RACGAP1: variants seen among roughly 807,000 people sequenced by gnomAD.
The protein encoded by RACGAP1 is Rac GTPase activating protein 1.
A neutral mutation model predicts 78.1 loss-of-function variants in RACGAP1; 30 were observed. The observed-to-expected ratio is 0.38, with a 90% CI of 0.29 to 0.52. RACGAP1 has a LOEUF of 0.52. Among genes scored for constraint, RACGAP1 ranks in the 20% least tolerant of loss-of-function variants. The probability of loss-of-function intolerance (pLI) is 0.82; values close to 1 mark genes in which losing one functional copy is unlikely to be tolerated. For missense variants in RACGAP1, 587 were observed against 777.1 expected (o/e 0.76, Z 2.91); for synonymous variants, 231 against 264.8 (o/e 0.87, Z 1.24).
intron 1 of RACGAP1, among the ~76,000 whole-genome samples, chr12:50,019,015 T>A (rs1036088161): frequency 2.6e-5 from 4 of 152,168 alleles, no homozygotes; most frequent in African/African-American, 9.7e-5. Context: ...CGCTACTCAC[T>A]GACCTACCCT....
chr12:49,995,399 A>C (rs1182038368), intron 10 of RACGAP1, among the ~76,000 whole-genome samples: 1 of 152,192 alleles, frequency 6.6e-6, no homozygotes, highest in Non-Finnish European at 1.5e-5. Context: ...AGGCATGGAT[A>C]AGAACTTGTA....
At chr12:50,023,449 A>G (rs1481048697) in intron 1 of RACGAP1, among the ~76,000 whole-genome samples, 3 of 152,234 alleles carry the variant, frequency 2.0e-5, no homozygotes, top group Non-Finnish European at 2.9e-5. Context: ...ATGAAAGTAA[A>G]CAGGCCAGGC....
At chr12:50,011,636 T>C (rs1949338000) in intron 2 of RACGAP1, among the ~76,000 whole-genome samples, 1 of 151,682 alleles carries the variant, frequency 6.6e-6, no homozygotes, top group African/African-American at 2.4e-5. Context: ...AAATTCAAAA[T>C]AAAATAATCA....
chr12:50,016,687 T>C lies in RACGAP1; in HGVS notation c.29A>G (p.Asn10Ser), dbSNP rs146666633. The change falls in exon 2 of 17, where the codon AAT becomes AGT. Residue 10 changes from asparagine to serine, a missense_variant. Coordinates refer to ENST00000312377, the MANE Select transcript of RACGAP1 (RefSeq NM_001319999.2). MDTMMLNVR[N>S]LFEQLVRRVE... ...CCGGCGCACAAGCTGCTCAAACAGATTCCGCACATTCAGCATCATAGTATC... is the reference window on the plus strand; with the variant it reads ...CCGGCGCACAAGCTGCTCAAACAGACTCCGCACATTCAGCATCATAGTATC... 35 of 1,613,904 alleles carry C rather than the reference T, an allele frequency of 2.2e-5. No homozygotes were observed. The highest frequency in any genetic ancestry group is 5.0e-5 in the Admixed American group (3 of 59,998).
chr12:49,997,827 G>A (rs568337738), intron 9 of RACGAP1, among the ~76,000 whole-genome samples: 14 of 146,014 alleles, frequency 9.6e-5, no homozygotes, highest in Non-Finnish European at 2.0e-4. Context: ...ATCTGCCTGC[G>A]TCAGTCTCCC....
Position 49,996,628 on chromosome 12 carries a change from TAAAAAAAAAAAAAAAAAAAAAAAAAA to T in RACGAP1, c.1044+386_1044+411del, listed in dbSNP as rs57512055. On this transcript the variant is annotated intron_variant, in intron 10 of 16. Transcript: ENST00000312377. ...TGCACTCCAGCCTAGGCAATAGAGC[TAAAAAAAAAAAAAAAAAAAAAAAAAA>T]AAAAAAAAAAAAAATGGACACAAGT... 2.0e-3 allele frequency among the ~76,000 whole-genome samples: 38 copies of T among 18,996 alleles called. No homozygotes were observed. In the Admixed American group the frequency reaches 0.03, roughly 15 times the overall value. The allele number at this position is 18,996 out of a possible 152,430, so 12.5% of individuals were successfully genotyped here. A position where few individuals can be genotyped will look rare whatever the true frequency, so the allele number is the denominator to read the frequency against.
upstream of RACGAP1, among the ~76,000 whole-genome samples, chr12:50,027,826 AAATC>A (rs532135598): frequency 6.6e-4 from 101 of 152,134 alleles, no homozygotes; most frequent in Non-Finnish European, 1.2e-3. Context: ...ACTCCATCTC[AAATC>A]AATCAATCAA....
chr12:50,026,232 G>C (rs1464695083), upstream of RACGAP1, among the ~76,000 whole-genome samples: 1 of 151,872 alleles, frequency 6.6e-6, no homozygotes, highest in African/African-American at 2.4e-5. Flanking sequence ...AAAGTACCCA[G>C]AACTCACTAC....
chr12:49,999,399 T>C, intron 8 of RACGAP1, 128 bp from the exon 9 acceptor site: 9 of 1,263,152 alleles, frequency 7.1e-6, no homozygotes, highest in East Asian at 2.4e-5. Flanking sequence ...CTAATGGCTA[T>C]GTAAAAAAAC....
chr12:50,006,413 A>G (rs1348224575), intron 3 of RACGAP1, 21 bp downstream of exon 3: 3 of 1,613,524 alleles, frequency 1.9e-6, no homozygotes, highest in Middle Eastern at 1.7e-4. Context: ...TCACTGTTCT[A>G]GCACGGAAAA....
upstream of RACGAP1, among the ~76,000 whole-genome samples, chr12:50,029,765 C>T (rs987727556): frequency 4.6e-5 from 7 of 151,182 alleles, no homozygotes; most frequent in Admixed American, 2.0e-4. Flanking sequence ...TGGTGGCGGG[C>T]GCCTGTAGTC....
At chr12:50,002,422 G>T in intron 5 of RACGAP1, 122 bp from the exon 6 acceptor site, 1 of 722,146 alleles carries the variant, frequency 1.4e-6, no homozygotes, top group South Asian at 2.2e-5. Context: ...GTACAATTCG[G>T]GGAGGGTTAG....
At chr12:49,996,619 C>T (rs180800639) in intron 10 of RACGAP1, among the ~76,000 whole-genome samples, 1 of 36,848 alleles carries the variant, frequency 2.7e-5, no homozygotes, top group African/African-American at 7.9e-5. Context: ...CCAGCCTAGG[C>T]AATAGAGCTA....
intron 2 of RACGAP1, among the ~76,000 whole-genome samples, chr12:50,007,353 A>G (rs532370903): frequency 3.9e-4 from 60 of 152,212 alleles, no homozygotes; most frequent in African/African-American, 1.4e-3. Flanking sequence ...CTTCCAAGGC[A>G]GCATCTCAAA....
intron 5 of RACGAP1, among the ~76,000 whole-genome samples, chr12:50,002,897 G>A (rs1202711124): frequency 1.3e-5 from 2 of 152,118 alleles, no homozygotes; most frequent in African/African-American, 2.4e-5. Flanking sequence ...GGTGGCGGGC[G>A]CCTGCAGTCC....
At chr12:50,031,895 A>C (rs1950339047) in intron 1 of RACGAP1, 3 of 287,942 alleles carry the variant, frequency 1.0e-5, no homozygotes, top group Non-Finnish European at 1.6e-5. Context: ...AATAATAATA[A>C]TACTGCACTT....
intron 9 of RACGAP1, among the ~76,000 whole-genome samples, chr12:49,997,408 G>C (rs1948371325): frequency 6.6e-6 from 1 of 151,308 alleles, no homozygotes; most frequent in African/African-American, 2.4e-5. Flanking sequence ...CCGAGTAACT[G>C]GGATTACAGG....
intron 2 of RACGAP1, among the ~76,000 whole-genome samples, chr12:50,010,287 C>T (rs1949232423): frequency 6.6e-6 from 1 of 151,166 alleles, no homozygotes; most frequent in South Asian, 2.1e-4. Flanking sequence ...TCTGATCTTC[C>T]TGTAACTTGG....
chr12:49,992,788 A>C, intron 12 of RACGAP1, 133 bp from the exon 13 acceptor site: 2 of 572,722 alleles, frequency 3.5e-6, no homozygotes, highest in Non-Finnish European at 6.0e-6. Flanking sequence ...ACTACATCAG[A>C]CTCTAGTTTC....
Sources: allele counts gnomAD v4.1 joint callset (sites outside exome capture counted in the v4.1 genomes callset), GRCh38; gene constraint gnomAD v4.1.1; transcripts MANE v1.5; gene names NCBI Gene and HGNC (gene_info 2026-07-23, HGNC 2026-07-21).